CPQ: variants seen among roughly 807,000 people sequenced by gnomAD.
The protein encoded by CPQ is Ser-Met dipeptidase.
In CPQ, 37 loss-of-function variants were observed where a neutral mutation model predicts 45.7. That is an observed-to-expected ratio of 0.81 (90% CI 0.62 to 1.07). The LOEUF (loss-of-function observed/expected upper bound fraction) is 1.07. CPQ is among the 50% of genes least tolerant of loss of function. The pLI is 0.00. For synonymous variants in CPQ, 186 were observed against 205.8 expected (o/e 0.90, Z 0.82); for missense variants, 537 against 572.9 (o/e 0.94, Z 0.64).
intron 4 of CPQ, among the ~76,000 whole-genome samples, chr8:96,917,577 G>T (rs2130908652): frequency 6.6e-6 from 1 of 152,180 alleles, no homozygotes; most frequent in Non-Finnish European, 1.5e-5. Context: ...CTTTTTAGTG[G>T]AGAATGGCAT....
intron 3 of CPQ, among the ~76,000 whole-genome samples, chr8:96,868,964 A>G (rs963700095): frequency 1.3e-5 from 2 of 152,024 alleles, no homozygotes; most frequent in African/African-American, 2.4e-5. Flanking sequence ...ATTTTAAAAC[A>G]AATATACTAG....
intron 4 of CPQ, among the ~76,000 whole-genome samples, chr8:96,929,294 G>C (rs1344282058): frequency 1.3e-5 from 2 of 152,178 alleles, no homozygotes; most frequent in African/African-American, 4.8e-5. Context: ...AAGACTCTCT[G>C]AACAGATGTG....
chr8:96,672,632 G>A (rs993004232), intron 1 of CPQ, among the ~76,000 whole-genome samples: 3 of 151,916 alleles, frequency 2.0e-5, no homozygotes, highest in African/African-American at 7.3e-5. Flanking sequence ...ACAAAAATTA[G>A]CTGGGCTTGG....
intron 7 of CPQ, among the ~76,000 whole-genome samples, chr8:97,089,116 G>A (rs1295067106): frequency 1.3e-5 from 2 of 151,746 alleles, no homozygotes; most frequent in Admixed American, 6.6e-5. Flanking sequence ...GGTGGCACAC[G>A]CCTGTAGTCC....
chr8:96,802,936 T>G (rs1413773950), intron 2 of CPQ, among the ~76,000 whole-genome samples: 1 of 152,100 alleles, frequency 6.6e-6, no homozygotes, highest in Non-Finnish European at 1.5e-5. Flanking sequence ...TGGTGATTAT[T>G]ATCTCTTTAT....
intron 7 of CPQ, among the ~76,000 whole-genome samples, chr8:97,097,062 A>G (rs1811221601): frequency 6.6e-6 from 1 of 152,208 alleles, no homozygotes; most frequent in Non-Finnish European, 1.5e-5. Context: ...TCCTTTTCCA[A>G]AACTATAGAG....
At chr8:96,822,148 T>C (rs566616017) in intron 2 of CPQ, among the ~76,000 whole-genome samples, 1 of 152,056 alleles carries the variant, frequency 6.6e-6, no homozygotes, top group Non-Finnish European at 1.5e-5. Context: ...TAAGCTCAGA[T>C]GGCATTTTTC....
intron 1 of CPQ, among the ~76,000 whole-genome samples, chr8:96,687,048 T>C (rs763471864): frequency 1.4e-4 from 22 of 152,120 alleles, no homozygotes; most frequent in Non-Finnish European, 2.8e-4. Context: ...TCTATCCTTA[T>C]AATTAAAAAT....
chr8:96,785,789 C>T (rs1810760792), intron 2 of CPQ, among the ~76,000 whole-genome samples: 1 of 152,136 alleles, frequency 6.6e-6, no homozygotes, highest in Admixed American at 6.6e-5. Flanking sequence ...AAGGAATTAT[C>T]CAAGGTTGAG....
intron 1 of CPQ, among the ~76,000 whole-genome samples, chr8:96,676,351 A>C (rs115118031): frequency 0.021 from 3,147 of 152,098 alleles, 122 homozygotes; most frequent in African/African-American, 0.072. Flanking sequence ...TGTAAGTAAG[A>C]GCGTGCAATA....
At chr8:97,056,312 A>G (rs1411548905) in intron 6 of CPQ, 1 of 152,210 alleles carries the variant, frequency 6.6e-6, no homozygotes, top group Non-Finnish European at 1.5e-5. Context: ...ATTTAAAACC[A>G]TGAGCCTAAA....
At chr8:96,837,029 T>C (rs1343289160) in intron 3 of CPQ, among the ~76,000 whole-genome samples, 1 of 152,192 alleles carries the variant, frequency 6.6e-6, no homozygotes, top group Admixed American at 6.5e-5. Context: ...CATAGCACTT[T>C]AGAATCTTTC....
At chr8:97,111,447 C>A (rs755020843) in intron 7 of CPQ, among the ~76,000 whole-genome samples, 2 of 152,162 alleles carry the variant, frequency 1.3e-5, no homozygotes, top group Non-Finnish European at 2.9e-5. Flanking sequence ...GAAGAGAGCT[C>A]CCTAAATGAC....
chr8:96,806,503 T>C (rs947611877), intron 2 of CPQ, among the ~76,000 whole-genome samples: 3 of 152,064 alleles, frequency 2.0e-5, no homozygotes, highest in African/African-American at 7.2e-5. Context: ...AAATATGAAA[T>C]TATTATTAAG....
At chr8:96,691,229 T>G (rs927547760) in intron 1 of CPQ, among the ~76,000 whole-genome samples, 2 of 152,200 alleles carry the variant, frequency 1.3e-5, no homozygotes, top group Admixed American at 6.5e-5. Flanking sequence ...CAGATGTTTC[T>G]TGGCTTGTTG....
intron 1 of CPQ, among the ~76,000 whole-genome samples, chr8:96,667,894 A>G (rs747909693): frequency 8.5e-5 from 13 of 152,084 alleles, no homozygotes; most frequent in Non-Finnish European, 5.9e-5. Flanking sequence ...CTGATTATTT[A>G]CCTTTAATTA....
intron 1 of CPQ, among the ~76,000 whole-genome samples, chr8:96,711,755 A>T (rs867803595): frequency 6.6e-6 from 1 of 152,228 alleles, no homozygotes; most frequent in Middle Eastern, 3.4e-3. Context: ...TGGGAACTAT[A>T]ACTCGGGATT....
chr8:96,863,415 GA>G lies in CPQ; in HGVS notation c.642-16382del, dbSNP rs1484444024. ...TTTTCAAGGGATAAAAGTATAAAAA[GA>G]GTGCAAAAACCTGAAGGCTGACCCT... On this transcript the variant is annotated intron_variant, in intron 3 of 7. Transcript: ENST00000220763. Among the ~76,000 whole-genome samples the G allele has an allele frequency of 2.6e-5, 4 of 152,114 alleles. No homozygotes were observed. The East Asian group carries it at 7.8e-4, about 30-fold the overall frequency.
At chr8:96,786,306 T>G (rs532274984) in intron 2 of CPQ, among the ~76,000 whole-genome samples, 65 of 152,268 alleles carry the variant, frequency 4.3e-4, no homozygotes, top group Admixed American at 1.9e-3. Flanking sequence ...CTTTTTTTCA[T>G]GTAGCATACT....
Sources: allele counts gnomAD v4.1 joint callset (sites outside exome capture counted in the v4.1 genomes callset), GRCh38; gene constraint gnomAD v4.1.1; transcripts MANE v1.5; gene names NCBI Gene and HGNC (gene_info 2026-07-23, HGNC 2026-07-21).